ZNF804B: variants seen among roughly 807,000 people sequenced by gnomAD.
The protein encoded by ZNF804B is zinc finger protein 804B, also known as zinc finger 804B.
A neutral mutation model predicts 101.4 loss-of-function variants in ZNF804B; 80 were observed. The ratio of observed to expected loss-of-function variants is 0.79; its 90% CI spans 0.66 to 0.95. The LOEUF (loss-of-function observed/expected upper bound fraction) is 0.95, where lower values mean the gene tolerates loss of function less well. Among genes scored for constraint, ZNF804B ranks in the 40% least tolerant of loss-of-function variants. ZNF804B has a pLI of 0.00. For synonymous variants in ZNF804B, 622 were observed against 558.8 expected, an observed-to-expected ratio of 1.11 and a Z score of -1.59; for missense variants, 1,673 against 1,561.9, an observed-to-expected ratio of 1.07 and a Z score of -1.20.
At chr7:88,774,407 A>G (rs1202886028) in intron 1 of ZNF804B, among the ~76,000 whole-genome samples, 1 of 151,970 alleles carries the variant, frequency 6.6e-6, no homozygotes, top group East Asian at 1.9e-4. Flanking sequence ...AGAGCACTAG[A>G]TTGGACCTGG....
chr7:89,165,815 A>G (rs938245716), intron 1 of ZNF804B, among the ~76,000 whole-genome samples: 3 of 152,088 alleles, frequency 2.0e-5, no homozygotes, highest in Admixed American at 6.6e-5. Flanking sequence ...CAAGCCAAAC[A>G]TACAATTATG....
rs547537128 is a variant in ZNF804B at position 88,952,297 on chromosome 7, A to G, written c.108+192213A>G. On this transcript the variant is annotated intron_variant, in intron 1 of 3. Transcript: ENST00000333190. Reference sequence around the variant, plus strand: ...TTGTTGTTCTTTGGATCTGTCTGAAATTTTTAGAGAAATAGAATACTGGCG... The same window carrying G: ...TTGTTGTTCTTTGGATCTGTCTGAAGTTTTTAGAGAAATAGAATACTGGCG... Among the ~76,000 whole-genome samples the G allele has an allele frequency of 1.6e-4, 25 of 151,894 alleles. 1 individual carries two copies. In the South Asian group the frequency reaches 4.8e-3, roughly 29 times the overall value.
chr7:89,319,233 G>C (rs1426495515), intron 2 of ZNF804B, among the ~76,000 whole-genome samples: 1 of 151,980 alleles, frequency 6.6e-6, no homozygotes, highest in African/African-American at 2.4e-5. Flanking sequence ...CCAGATTTGG[G>C]GGGGCTTGCT....
intron 1 of ZNF804B, among the ~76,000 whole-genome samples, chr7:88,825,972 G>T (rs1791045703): frequency 6.6e-6 from 1 of 152,102 alleles, no homozygotes; most frequent in African/African-American, 2.4e-5. Context: ...AGTTTTGACT[G>T]CAAAACCAGC....
At chr7:89,064,402 C>A (rs989168514) in intron 1 of ZNF804B, among the ~76,000 whole-genome samples, 1 of 152,096 alleles carries the variant, frequency 6.6e-6, no homozygotes, top group Middle Eastern at 3.2e-3. Flanking sequence ...CTACCATAGT[C>A]GCTTTAGGTT....
chr7:89,331,376 C>G (rs1275256236), intron 3 of ZNF804B, among the ~76,000 whole-genome samples: 1 of 151,658 alleles, frequency 6.6e-6, no homozygotes, highest in Non-Finnish European at 1.5e-5. Context: ...AAGAAACATT[C>G]AGTAACTCAT....
chr7:89,232,677 A>C (rs1789210884), intron 2 of ZNF804B, among the ~76,000 whole-genome samples: 1 of 152,182 alleles, frequency 6.6e-6, no homozygotes, highest in African/African-American at 2.4e-5. Flanking sequence ...ATTATATGCA[A>C]TATTTTATCA....
At chr7:88,862,967 T>C (rs1200704952) in intron 1 of ZNF804B, among the ~76,000 whole-genome samples, 6 of 152,196 alleles carry the variant, frequency 3.9e-5, no homozygotes, top group Admixed American at 2.0e-4. Flanking sequence ...AATTTTTGAA[T>C]GATAAGCCTA....
intron 1 of ZNF804B, chr7:88,794,162 C>T (rs199906096): frequency 1.4e-5 from 22 of 1,571,598 alleles, no homozygotes; most frequent in Admixed American, 9.3e-5. Flanking sequence ...GAGACATGGG[C>T]ACATTATCCC....
At chr7:89,039,263 G>A (rs11767892) in intron 1 of ZNF804B, among the ~76,000 whole-genome samples, 74,714 of 151,664 alleles carry the variant, frequency 0.49, 18,874 homozygotes, top group Middle Eastern at 0.53. Flanking sequence ...TTTGGGTAGT[G>A]TAAACATTTT....
At chr7:89,321,100 T>C (rs761497231) in intron 2 of ZNF804B, among the ~76,000 whole-genome samples, 1 of 152,110 alleles carries the variant, frequency 6.6e-6, no homozygotes, top group Non-Finnish European at 1.5e-5. Flanking sequence ...CACCAAAACA[T>C]GACATATTGA....
chr7:89,125,542 A>G (rs1013276907), intron 1 of ZNF804B, among the ~76,000 whole-genome samples: 7 of 152,084 alleles, frequency 4.6e-5, no homozygotes, highest in Non-Finnish European at 1.0e-4. Flanking sequence ...TAAGCATTCC[A>G]TTAAAAAAGA....
At chr7:88,770,936 A>G (rs778703361) in intron 1 of ZNF804B, among the ~76,000 whole-genome samples, 1 of 152,210 alleles carries the variant, frequency 6.6e-6, no homozygotes, top group Non-Finnish European at 1.5e-5. Flanking sequence ...AATTTATGCA[A>G]TTCGAAATGC....
intron 1 of ZNF804B, among the ~76,000 whole-genome samples, chr7:88,844,461 A>G (rs1245933304): frequency 9.2e-5 from 14 of 152,204 alleles, no homozygotes; most frequent in Non-Finnish European, 2.9e-5. Flanking sequence ...CTTTGGCCTC[A>G]TAGTATCATC....
intron 1 of ZNF804B, among the ~76,000 whole-genome samples, chr7:89,168,508 T>C (rs976832747): frequency 2.6e-5 from 4 of 152,098 alleles, no homozygotes; most frequent in Non-Finnish European, 5.9e-5. Flanking sequence ...GCTGTGTGCC[T>C]CAAAAGTCCT....
At chr7:88,806,220 C>G (rs1790682995) in intron 1 of ZNF804B, among the ~76,000 whole-genome samples, 1 of 152,036 alleles carries the variant, frequency 6.6e-6, no homozygotes, top group Admixed American at 6.6e-5. Context: ...GCAAAGTTCT[C>G]AAAATCATAT....
intron 2 of ZNF804B, among the ~76,000 whole-genome samples, chr7:89,308,673 T>C (rs1197784547): frequency 6.6e-6 from 1 of 152,146 alleles, no homozygotes; most frequent in Non-Finnish European, 1.5e-5. Context: ...ACCTCCCTCA[T>C]CCTGAACTAA....
At chr7:89,096,509 C>T (rs1294067303) in intron 1 of ZNF804B, among the ~76,000 whole-genome samples, 7 of 152,086 alleles carry the variant, frequency 4.6e-5, no homozygotes, top group Non-Finnish European at 8.8e-5. Context: ...TGGTTGCTTT[C>T]GACTCAAAAG....
At position 89,213,317 on chromosome 7, in the gene ZNF804B, C is replaced by T. The variant is rs569932275; in HGVS notation, c.109-4838C>T. 3.3e-5 allele frequency among the ~76,000 whole-genome samples: 5 copies of T among 152,160 alleles called. No individual in the cohort carries two copies. In the South Asian group the frequency reaches 8.3e-4, roughly 25 times the overall value. ...TTCATTTGGGGCTAATATAATAGAA[C>T]GAGTTAGAGAATATTAGAATTCTTA... On this transcript the variant is annotated intron_variant, in intron 1 of 3. Transcript: ENST00000333190.
Sources: gnomAD v4.1 joint callset for allele counts (sites outside exome capture counted in the v4.1 genomes callset) on GRCh38, gnomAD v4.1.1 for gene constraint, MANE v1.5 for transcripts, NCBI Gene and HGNC (gene_info 2026-07-23, HGNC 2026-07-21) for gene names.